The following MCTP2 variants were observed in gnomAD, a reference collection of about 807,000 sequenced individuals.
MCTP2 encodes the protein multiple C2 and transmembrane domain containing 2.
Under a neutral mutation model 111.6 loss-of-function variants are expected in MCTP2, and 132 were observed. That is an observed-to-expected ratio of 1.18 (90% CI 1.03 to 1.37). MCTP2 has a LOEUF of 1.37. Ranked by LOEUF, MCTP2 falls within the 40% of genes most tolerant of loss-of-function variation. MCTP2 has a pLI of 0.00. For synonymous variants in MCTP2, 395 were observed against 387.7 expected (o/e 1.02, Z -0.22); for missense variants, 1,183 against 1,067.9 (o/e 1.11, Z -1.50).
chr15:94,356,156 T>C lies in MCTP2; in HGVS notation c.1025T>C (p.Leu342Pro). The C allele has an allele frequency of 6.2e-7, 1 of 1,609,886 alleles. No individual in the cohort carries two copies. Among genetic ancestry groups the C allele is most frequent in the South Asian group, 1.1e-5 (1 of 90,080 alleles). ...SASKSSLIRN[L>P]RLSESLKKNQ... Reference sequence around the variant, plus strand: ...CTTTAGTCCTCTTTGATACGCAACCTACGGCTCTCTGAGTCCTTGAAAAAG... The same window carrying C: ...CTTTAGTCCTCTTTGATACGCAACCCACGGCTCTCTGAGTCCTTGAAAAAG... Residue 342 changes from leucine to proline, a missense_variant, in exon 9 of 23, where the codon CTA becomes CCA. Transcript: ENST00000357742.
chr15:94,455,814 C>T (rs1212710320), intron 19 of MCTP2, among the ~76,000 whole-genome samples: 2 of 152,038 alleles, frequency 1.3e-5, no homozygotes, highest in South Asian at 2.1e-4. Context: ...ATAACAATTT[C>T]GTGCAATATT....
intron 19 of MCTP2, among the ~76,000 whole-genome samples, chr15:94,455,602 T>C (rs2084774590): frequency 6.6e-6 from 1 of 151,986 alleles, no homozygotes; most frequent in Non-Finnish European, 1.5e-5. Context: ...ATTTTTGTAT[T>C]TTTTAGTAGA....
At chr15:94,473,698 T>C (rs991043983) in intron 21 of MCTP2, among the ~76,000 whole-genome samples, 1 of 152,242 alleles carries the variant, frequency 6.6e-6, no homozygotes, top group African/African-American at 2.4e-5. Flanking sequence ...GAAGGACCTA[T>C]GCCTCGTTTA....
chr15:94,370,119 C>T lies in MCTP2; in HGVS notation c.1521C>T (p.Asp507=), dbSNP rs1183670340. The change falls in exon 12 of 23, where the codon GAC becomes GAT. Residue 507 remains aspartate, a synonymous_variant. Coordinates refer to ENST00000357742, the MANE Select transcript of MCTP2 (RefSeq NM_001385001.1). ...AGAACTCCCTGAAAGATGTGAAAGA[C>T]GTCGGCATTCTACAAGTGAAGGTTT... The part of the protein sequence containing the change: ...CLQNSLKDVK[D]VGILQVKVLK... 9.3e-6 allele frequency: 15 copies of T among 1,612,928 alleles called. No homozygotes were observed. Among genetic ancestry groups the T allele is most frequent in the South Asian group, 2.2e-5 (2 of 90,986 alleles).
At chr15:94,345,221 A>G (rs1014607156) in intron 8 of MCTP2, 57 bp downstream of exon 8, 22 of 1,520,670 alleles carry the variant, frequency 1.4e-5, no homozygotes, top group African/African-American at 1.4e-4. Context: ...TCTTTGTAGC[A>G]AACAAAAATG....
At chr15:94,473,735 A>G (rs1355306958) in intron 21 of MCTP2, among the ~76,000 whole-genome samples, 1 of 152,206 alleles carries the variant, frequency 6.6e-6, no homozygotes, top group South Asian at 2.1e-4. Context: ...TGATAGCACA[A>G]TATTTTTTTA....
intron 20 of MCTP2, among the ~76,000 whole-genome samples, chr15:94,466,624 AG>A (rs143986546): frequency 0.099 from 15,048 of 152,096 alleles, 753 homozygotes; most frequent in East Asian, 0.18. Context: ...GAGAGTTCCT[AG>A]GCTTCCCCTC....
Position 94,242,457 on chromosome 15 carries a change from T to C in MCTP2, c.-66+10793T>C, listed in dbSNP as rs117117636. Among the ~76,000 whole-genome samples the C allele has an allele frequency of 2.9e-3, 441 of 152,226 alleles. 3 individuals carry two copies. The highest frequency in any genetic ancestry group is 4.4e-3 in the Non-Finnish European group (302 of 67,990). The stretch of plus-strand genomic sequence containing the variant: ...TTTGGGTAAGTGCCTGCCTACGCTG[T>C]TATGTCAGCTTTCTCAGAGATCAGG... On this transcript the variant is annotated intron_variant, in intron 1 of 22. Transcript: ENST00000357742.
chr15:94,425,530 T>C (rs1179313044), intron 17 of MCTP2, among the ~76,000 whole-genome samples: 2 of 151,630 alleles, frequency 1.3e-5, no homozygotes, highest in Non-Finnish European at 2.9e-5. Flanking sequence ...AACAGCAGAA[T>C]GATACCAAGT....
chr15:94,442,988 CA>C (rs748910962), intron 19 of MCTP2, 28 bp downstream of exon 19: 2 of 1,581,292 alleles, frequency 1.3e-6, no homozygotes, highest in Non-Finnish European at 1.7e-6. Flanking sequence ...AGAACACACA[CA>C]AAAAAACACT....
chr15:94,364,736 T>C (rs2079101993), intron 10 of MCTP2, among the ~76,000 whole-genome samples: 2 of 152,210 alleles, frequency 1.3e-5, no homozygotes, highest in Admixed American at 1.3e-4. Context: ...AAAAAAATTC[T>C]GTTGCTTTTC....
At chr15:94,362,368 TA>T (rs2078985851) in intron 10 of MCTP2, among the ~76,000 whole-genome samples, 1 of 152,178 alleles carries the variant, frequency 6.6e-6, no homozygotes, top group African/African-American at 2.4e-5. Context: ...TAACTCATTA[TA>T]GAATTTTCTA....
In MCTP2 at chr15:94,301,281, A is replaced by T. The variant is rs2152339942; in HGVS notation, c.465+2551A>T. Among the ~76,000 whole-genome samples, 4 of 151,928 alleles carry T rather than the reference A, an allele frequency of 2.6e-5. No individual in the cohort carries two copies. The South Asian group carries it at 8.3e-4, about 32-fold the overall frequency. ...GAGGGACGGGAGTGCGGCTGATCAG[A>T]CCCCTAGGATCCCTTGCAGTCTAGT... On this transcript the variant is annotated intron_variant, in intron 2 of 22. Transcript: ENST00000357742.
intron 12 of MCTP2, among the ~76,000 whole-genome samples, chr15:94,375,164 C>A (rs1474865557): frequency 6.6e-6 from 1 of 152,050 alleles, no homozygotes; most frequent in Non-Finnish European, 1.5e-5. Flanking sequence ...AGGAGCAGGA[C>A]CAATGGATAG....
chr15:94,341,273 A>C (rs182098080), intron 7 of MCTP2: 50 of 242,556 alleles, frequency 2.1e-4, no homozygotes, highest in African/African-American at 1.1e-3. Flanking sequence ...AGTCTAGTAC[A>C]TGCAAATTTC....
chr15:94,231,643 C>G lies in MCTP2; in HGVS notation c.-87C>G, dbSNP rs922002922. ...GCGCGCGCCTGCCCAGCTTTGCAGC[C>G]CCCGAACGCGGCCTCGCACAGGTGA... On this transcript the variant is annotated 5_prime_UTR_variant, in exon 1 of 23. Transcript: ENST00000357742. The G allele has an allele frequency of 6.6e-6, 1 of 152,356 alleles. No homozygotes were observed. Among genetic ancestry groups the G allele is most frequent in the South Asian group, 2.1e-4 (1 of 4,842 alleles). 9.4% of individuals were successfully genotyped at this position (152,356 alleles called of 1,614,324 possible). A position where few individuals can be genotyped will look rare whatever the true frequency, so the allele number is the denominator to read the frequency against.
At chr15:94,470,306 A>C in intron 20 of MCTP2, 27 bp from the exon 21 acceptor site, 1 of 1,455,412 alleles carries the variant, frequency 6.9e-7, no homozygotes, top group Non-Finnish European at 9.6e-7. Context: ...CATCAGAGGA[A>C]ATTATATTTA....
At chr15:94,387,159 T>C (rs2080547709) in intron 14 of MCTP2, among the ~76,000 whole-genome samples, 1 of 151,376 alleles carries the variant, frequency 6.6e-6, no homozygotes, top group Non-Finnish European at 1.5e-5. Flanking sequence ...CTCCTTTCCT[T>C]CCTCCCTCTC....
chr15:94,266,079 C>T (rs909590066), intron 1 of MCTP2, among the ~76,000 whole-genome samples: 4 of 56,522 alleles, frequency 7.1e-5, no homozygotes, highest in Non-Finnish European at 1.0e-4. Context: ...TGCGTGTGCG[C>T]GCACACACAC....
Sources: gnomAD v4.1 joint callset for allele counts (sites outside exome capture counted in the v4.1 genomes callset) on GRCh38, gnomAD v4.1.1 for gene constraint, MANE v1.5 for transcripts, NCBI Gene and HGNC (gene_info 2026-07-23, HGNC 2026-07-21) for gene names.